Variants in TYW1 observed in about 807,000 individuals in gnomAD.
The protein encoded by TYW1 is S-adenosyl-L-methionine-dependent tRNA 4-demethylwyosine synthase TYW1.
A neutral mutation model predicts 96.2 loss-of-function variants in TYW1; 46 were observed. The ratio of observed to expected loss-of-function variants is 0.48; its 90% CI spans 0.38 to 0.61. TYW1 has a LOEUF of 0.61. Among genes scored for constraint, TYW1 ranks in the 20% least tolerant of loss-of-function variants. The pLI is 0.00. For synonymous variants in TYW1, 274 were observed against 323.0 expected (o/e 0.85, Z 1.63); for missense variants, 684 against 909.6 (o/e 0.75, Z 3.19).
intron 13 of TYW1, among the ~76,000 whole-genome samples, chr7:67,167,559 G>T (rs1373691140): frequency 1.4e-5 from 2 of 147,832 alleles, no homozygotes; most frequent in Admixed American, 6.8e-5. Flanking sequence ...CCTTCCTTTC[G>T]CATTTTAAAG....
chr7:67,159,512 A>G (rs999569376), intron 13 of TYW1, among the ~76,000 whole-genome samples: 2 of 152,180 alleles, frequency 1.3e-5, no homozygotes, highest in Non-Finnish European at 2.9e-5. Context: ...GTTTTACAGT[A>G]TACTATATCA....
At chr7:67,162,123 T>C (rs28534521) in intron 13 of TYW1, among the ~76,000 whole-genome samples, 42,671 of 151,692 alleles carry the variant, frequency 0.28, 6,508 homozygotes, top group African/African-American at 0.4. Context: ...GGTGAAACCC[T>C]GTCTCTATTA....
chr7:67,206,655 A>ATAAG (rs1328132620), intron 15 of TYW1, among the ~76,000 whole-genome samples: 1 of 151,692 alleles, frequency 6.6e-6, no homozygotes, highest in Non-Finnish European at 1.5e-5. Context: ...AAATAAATAA[A>ATAAG]TAAATAAATA....
intron 9 of TYW1, among the ~76,000 whole-genome samples, chr7:67,059,942 T>G (rs1795643895): frequency 6.6e-6 from 1 of 151,282 alleles, no homozygotes; most frequent in Non-Finnish European, 1.5e-5. Flanking sequence ...CTGGGTAATT[T>G]TTGTATTTTT....
At chr7:67,169,222 A>C (rs1799446036) in intron 13 of TYW1, among the ~76,000 whole-genome samples, 1 of 152,216 alleles carries the variant, frequency 6.6e-6, no homozygotes, top group African/African-American at 2.4e-5. Context: ...AAAATTAAGA[A>C]ATAATTTACT....
At chr7:67,174,554 A>G (rs1359384540) in intron 13 of TYW1, among the ~76,000 whole-genome samples, 1 of 151,540 alleles carries the variant, frequency 6.6e-6, no homozygotes. Flanking sequence ...TTAAAAATCA[A>G]TAAGCTAAAT....
intron 15 of TYW1, among the ~76,000 whole-genome samples, chr7:67,204,557 C>CTTCTTCTTCT (rs1554392810): frequency 1.5e-5 from 2 of 137,708 alleles, no homozygotes; most frequent in Non-Finnish European, 1.5e-5. Flanking sequence ...TCTTCTTCTT[C>CTTCTTCTTCT]TTCTTTCTTC....
At chr7:67,018,495 C>G (rs1411700205) in intron 6 of TYW1, among the ~76,000 whole-genome samples, 2 of 151,912 alleles carry the variant, frequency 1.3e-5, no homozygotes, top group Non-Finnish European at 2.9e-5. Context: ...GAGCTGTGAT[C>G]ATGCCACTGC....
chr7:67,040,037 G>C (rs547365722), intron 7 of TYW1, among the ~76,000 whole-genome samples: 1 of 151,524 alleles, frequency 6.6e-6, no homozygotes. Flanking sequence ...GCTCACTGCA[G>C]CCTCCGCCTC....
chr7:67,232,852 G>A (rs1156811490), intron 15 of TYW1, among the ~76,000 whole-genome samples: 1 of 80,280 alleles, frequency 1.2e-5, no homozygotes, highest in East Asian at 2.4e-4. Flanking sequence ...AGCATCTGTC[G>A]GGGCATGGAG....
chr7:67,231,566 T>A (rs570541154), intron 15 of TYW1, among the ~76,000 whole-genome samples: 1 of 152,340 alleles, frequency 6.6e-6, no homozygotes, highest in South Asian at 2.1e-4. Context: ...GATATAGAAT[T>A]CTTGGCTGGA....
intron 15 of TYW1, among the ~76,000 whole-genome samples, chr7:67,202,790 C>A (rs182900466): frequency 6.6e-6 from 1 of 152,216 alleles, no homozygotes; most frequent in Non-Finnish European, 1.5e-5. Flanking sequence ...ATTCTTACAC[C>A]AAGACAGCCA....
In TYW1 at chr7:67,221,022, C is replaced by T. The variant is rs189656982; in HGVS notation, c.1978-17286C>T. ...GTTTACAGGTGTGAGCCACCGCGCCCGTCCAAGTGCTTTATTTTCTTGCTT... is the reference window on the plus strand; with the variant it reads ...GTTTACAGGTGTGAGCCACCGCGCCTGTCCAAGTGCTTTATTTTCTTGCTT... On this transcript the variant is annotated intron_variant, in intron 15 of 15. Coordinates refer to ENST00000359626, the MANE Select transcript of TYW1 (RefSeq NM_018264.4). Among the ~76,000 whole-genome samples the T allele has an allele frequency of 2.9e-3, 449 of 152,232 alleles. 1 individual carries two copies. The highest frequency in any genetic ancestry group is 4.8e-3 in the Non-Finnish European group (328 of 68,010).
At chr7:67,050,155 C>G in intron 8 of TYW1, 89 bp downstream of exon 8, 1 of 1,463,256 alleles carries the variant, frequency 6.8e-7, no homozygotes, top group South Asian at 1.2e-5. Flanking sequence ...CTAATTAGCT[C>G]AGCAGCTGTT....
intron 13 of TYW1, among the ~76,000 whole-genome samples, chr7:67,156,036 T>C (rs1251474816): frequency 6.6e-6 from 1 of 152,142 alleles, no homozygotes; most frequent in Non-Finnish European, 1.5e-5. Flanking sequence ...GAGGCTGTGG[T>C]AGGGCTTTGC....
At chr7:67,049,528 A>T (rs1191899869) in intron 7 of TYW1, among the ~76,000 whole-genome samples, 2 of 151,770 alleles carry the variant, frequency 1.3e-5, no homozygotes, top group Non-Finnish European at 2.9e-5. Context: ...CCTTTTTAAA[A>T]ATTTTTTTTT....
At chr7:67,139,728 GGT>G (rs55993805) in intron 13 of TYW1, among the ~76,000 whole-genome samples, 38,313 of 138,242 alleles carry the variant, frequency 0.28, 5,039 homozygotes, top group African/African-American at 0.31. Context: ...TGTGTATACA[GGT>G]GTGTGTGTGT....
rs192333070 is a variant in TYW1 at position 67,083,934 on chromosome 7, C to T, written c.1384+395C>T. On this transcript the variant is annotated intron_variant, in intron 11 of 15. Coordinates refer to ENST00000359626, the MANE Select transcript of TYW1 (RefSeq NM_018264.4). ...CCTGTAATCCCAGCTACTTGGGAGG[C>T]TGAGGCAGGAGAATTGCTTGAACCT... is the stretch of plus-strand genomic sequence containing the variant. Among the ~76,000 whole-genome samples, 4 of 152,292 alleles carry T rather than the reference C, an allele frequency of 2.6e-5. No homozygotes were observed. The East Asian group carries it at 7.7e-4, about 29-fold the overall frequency.
chr7:67,172,073 T>C (rs1173143734), intron 13 of TYW1, among the ~76,000 whole-genome samples: 1 of 152,136 alleles, frequency 6.6e-6, no homozygotes, highest in Non-Finnish European at 1.5e-5. Context: ...ATAATTGATA[T>C]ATTTGAATTT....
Sources: gnomAD v4.1 joint callset for allele counts (sites outside exome capture counted in the v4.1 genomes callset) on GRCh38, gnomAD v4.1.1 for gene constraint, MANE v1.5 for transcripts, NCBI Gene and HGNC (gene_info 2026-07-23, HGNC 2026-07-21) for gene names.